The following TRA2A variants were observed in gnomAD, a reference collection of about 807,000 sequenced individuals.
TRA2A encodes the protein transformer 2 alpha homolog.
Under a neutral mutation model 45.7 loss-of-function variants are expected in TRA2A, and 31 were observed. That is an observed-to-expected ratio of 0.68 (90% CI 0.51 to 0.92). The LOEUF (loss-of-function observed/expected upper bound fraction) is 0.92, where lower values mean the gene tolerates loss of function less well. TRA2A is among the 40% of genes least tolerant of loss of function. The pLI is 0.00. For synonymous variants in TRA2A, 132 were observed against 126.2 expected (o/e 1.05, Z -0.31); for missense variants, 304 against 367.5 (o/e 0.83, Z 1.41).
intron 1 of TRA2A, among the ~76,000 whole-genome samples, chr7:23,527,483 A>G (rs1790385528): frequency 6.6e-6 from 1 of 152,214 alleles, no homozygotes; most frequent in Admixed American, 6.5e-5. Context: ...GTGAATACAC[A>G]TCTTTTAGTT....
intron 4 of TRA2A, 86 bp downstream of exon 4, chr7:23,512,808 G>T: frequency 2.9e-6 from 3 of 1,036,966 alleles, no homozygotes; most frequent in South Asian, 2.2e-5. Context: ...AAGAAAAAAG[G>T]ATGCAATGTT....
At chr7:23,524,033 C>G (rs1014863185) in intron 1 of TRA2A, among the ~76,000 whole-genome samples, 5 of 152,200 alleles carry the variant, frequency 3.3e-5, no homozygotes, top group African/African-American at 1.2e-4. Flanking sequence ...TAAAACACTA[C>G]AATTCTTTAA....
chr7:23,529,778 G>C (rs978276815), intron 1 of TRA2A, among the ~76,000 whole-genome samples: 1 of 151,740 alleles, frequency 6.6e-6, no homozygotes, highest in African/African-American at 2.4e-5. Context: ...ACAAAGGGCC[G>C]TAAGAGGGCC....
At chr7:23,528,665 T>C (rs1377008489) in intron 1 of TRA2A, among the ~76,000 whole-genome samples, 3 of 151,876 alleles carry the variant, frequency 2.0e-5, no homozygotes, top group African/African-American at 4.8e-5. Flanking sequence ...ACAGATAAAT[T>C]TGTTTGCCTT....
In TRA2A at chr7:23,505,554, C is replaced by T. The variant is rs769833826; in HGVS notation, c.*5G>A. On this transcript the variant is annotated 3_prime_UTR_variant, in exon 8 of 8. Transcript: ENST00000297071. ...AAAATGTCCTTAATTGCAACCATTC[C>T]GTTATCAATAGCGTCCTAAAAGAGA... The T allele has an allele frequency of 2.9e-5, 13 of 442,964 alleles. No homozygotes were observed. Among genetic ancestry groups the T allele is most frequent in the African/African-American group, 1.4e-4 (5 of 35,230 alleles). The allele number at this position is 442,964 out of a possible 1,614,324, so 27.4% of individuals were successfully genotyped here. A position where few individuals can be genotyped will look rare whatever the true frequency, so the allele number is the denominator to read the frequency against.
In TRA2A at chr7:23,506,008, C is replaced by T. The variant is rs117192443; in HGVS notation, c.770+130G>A. On this transcript the variant is annotated intron_variant, in intron 6 of 7. Transcript: ENST00000297071. ...ACTGACATATACAGACTGCTAACTT[C>T]TGCTCCCAAAGGCGTCATATATGAT... The T allele has an allele frequency of 5.5e-3, 4,727 of 859,482 alleles. 19 individuals carry two copies. The highest frequency in any genetic ancestry group is 0.019 in the Middle Eastern group (56 of 2,954). The allele number at this position is 859,482 out of a possible 1,614,324, so 53.2% of individuals were successfully genotyped here.
intron 1 of TRA2A, among the ~76,000 whole-genome samples, chr7:23,529,243 G>A (rs1338269611): frequency 6.6e-6 from 1 of 152,084 alleles, no homozygotes; most frequent in East Asian, 1.9e-4. Flanking sequence ...CAGCTCCAAA[G>A]GACATCTCCA....
At position 23,531,925 on chromosome 7, in the gene TRA2A, G is replaced by C. The variant is rs941663920; in HGVS notation, c.-101C>G. On this transcript the variant is annotated 5_prime_UTR_variant, in exon 1 of 8. Coordinates refer to ENST00000297071, the MANE Select transcript of TRA2A (RefSeq NM_013293.5). ...ACTGGACCGTGGGGAAGAGGAAAGAGTCGGCAACCACAGCCGCTCCACTCC... is the reference window on the plus strand; with the variant it reads ...ACTGGACCGTGGGGAAGAGGAAAGACTCGGCAACCACAGCCGCTCCACTCC... 4 of 1,356,632 alleles carry C rather than the reference G, an allele frequency of 2.9e-6. No individual in the cohort carries two copies. Among genetic ancestry groups the C allele is most frequent in the Non-Finnish European group, 4.2e-6 (4 of 963,604 alleles). The allele number at this position is 1,356,632 out of a possible 1,614,324, so 84.0% of individuals were successfully genotyped here.
intron 4 of TRA2A, among the ~76,000 whole-genome samples, chr7:23,511,186 A>G (rs1438396156): frequency 6.6e-6 from 1 of 151,866 alleles, no homozygotes; most frequent in African/African-American, 2.4e-5. Context: ...CCTGGCTAAC[A>G]CAGTGAAACC....
intron 5 of TRA2A, 127 bp downstream of exon 5, chr7:23,507,293 G>A (rs748526313): frequency 1.4e-6 from 1 of 702,386 alleles, no homozygotes; most frequent in Non-Finnish European, 2.4e-6. Context: ...AGTAGAAGCA[G>A]GGTTTTGCCA....
chr7:23,507,072 C>G (rs990781417), intron 5 of TRA2A: 1 of 194,556 alleles, frequency 5.1e-6, no homozygotes, highest in South Asian at 1.2e-4. Flanking sequence ...AAATGAACAT[C>G]GTGAGCCAGC....
At position 23,505,164 on chromosome 7, in the gene TRA2A, TA is replaced by T. The variant is rs908839267; in HGVS notation, c.*394del. The T allele has an allele frequency of 0.012, 1,937 of 158,472 alleles. No individual in the cohort carries two copies. Among genetic ancestry groups the T allele is most frequent in the Middle Eastern group, 0.036 (14 of 386 alleles). The allele number at this position is 158,472 out of a possible 1,614,324, so 9.8% of individuals were successfully genotyped here. A position where few individuals can be genotyped will look rare whatever the true frequency, so the allele number is the denominator to read the frequency against. On this transcript the variant is annotated 3_prime_UTR_variant, in exon 8 of 8. Coordinates refer to ENST00000297071, the MANE Select transcript of TRA2A (RefSeq NM_013293.5). ...TGTGTTACTTTCCCAAAAATAAAGT[TA>T]AAAAAAAAAAGGAACTCATGATAAA... is the stretch of plus-strand genomic sequence containing the variant.
chr7:23,522,867 G>A (rs1171142483), intron 1 of TRA2A, among the ~76,000 whole-genome samples: 1 of 152,086 alleles, frequency 6.6e-6, no homozygotes, highest in Non-Finnish European at 1.5e-5. Flanking sequence ...ATCCCAGGCT[G>A]AAATATTTGT....
chr7:23,528,311 T>C (rs545249172), intron 1 of TRA2A, among the ~76,000 whole-genome samples: 137 of 150,880 alleles, frequency 9.1e-4, no homozygotes, highest in South Asian at 2.1e-3. Context: ...CGGGTTCAAG[T>C]GATTCTCTGC....
At chr7:23,517,795 C>A (rs959497777) in intron 2 of TRA2A, among the ~76,000 whole-genome samples, 1 of 151,716 alleles carries the variant, frequency 6.6e-6, no homozygotes, top group Non-Finnish European at 1.5e-5. Flanking sequence ...ACCTGTCATC[C>A]CAGCTACTTG....
At chr7:23,523,577 G>T (rs1157608904) in intron 1 of TRA2A, among the ~76,000 whole-genome samples, 1 of 152,120 alleles carries the variant, frequency 6.6e-6, no homozygotes, top group Non-Finnish European at 1.5e-5. Context: ...TATTTATCAA[G>T]AACTGTACAA....
chr7:23,515,322 C>G (rs1369810713), intron 3 of TRA2A, among the ~76,000 whole-genome samples: 3 of 149,644 alleles, frequency 2.0e-5, no homozygotes, highest in Non-Finnish European at 4.5e-5. Context: ...CTCTGCCTCC[C>G]GGGTTCACAC....
intron 3 of TRA2A, among the ~76,000 whole-genome samples, chr7:23,515,561 GAC>G (rs1016471099): frequency 1.7e-4 from 25 of 145,056 alleles, no homozygotes; most frequent in African/African-American, 5.2e-4. Context: ...CTTTTTTTGA[GAC>G]AGAGTCTCGC....
At chr7:23,521,994 C>G (rs181643314) in intron 1 of TRA2A, 154 bp from the exon 2 acceptor site, 2 of 1,409,290 alleles carry the variant, frequency 1.4e-6, no homozygotes, top group African/African-American at 1.4e-5. Flanking sequence ...TAATAACCCA[C>G]TGTTAATACT....
Sources: allele counts gnomAD v4.1 joint callset (sites outside exome capture counted in the v4.1 genomes callset), GRCh38; gene constraint gnomAD v4.1.1; transcripts MANE v1.5; gene names NCBI Gene and HGNC (gene_info 2026-07-23, HGNC 2026-07-21).